ALPK3: variants seen among roughly 807,000 people sequenced by gnomAD.
ALPK3 encodes the protein alpha-protein kinase 3.
In ALPK3, 102 loss-of-function variants were observed where a neutral mutation model predicts 140.0. The ratio of observed to expected loss-of-function variants is 0.73; its 90% CI spans 0.62 to 0.86. ALPK3 has a LOEUF of 0.86. ALPK3 is among the 40% of genes least tolerant of loss of function. The pLI is 0.00. For synonymous variants in ALPK3, 938 were observed against 898.5 expected, an observed-to-expected ratio of 1.04 and a Z score of -0.79; for missense variants, 2,254 against 2,208.2, an observed-to-expected ratio of 1.02 and a Z score of -0.42.
chr15:84,844,820 G>A (rs947623086), intron 5 of ALPK3, among the ~76,000 whole-genome samples: 5 of 151,944 alleles, frequency 3.3e-5, no homozygotes, highest in African/African-American at 1.2e-4. Flanking sequence ...TCACGCCACC[G>A]CGCTCCAGCC....
rs1964056234 is a variant in ALPK3 at position 84,870,442 on chromosome 15, A to T, written c.*1986A>T. 6.6e-6 allele frequency: 1 copy of T among 152,202 alleles called. No individual in the cohort carries two copies. Among genetic ancestry groups the T allele is most frequent in the South Asian group, 2.1e-4 (1 of 4,830 alleles). The allele number at this position is 152,202 out of a possible 1,614,324, so 9.4% of individuals were successfully genotyped here. A position where few individuals can be genotyped will look rare whatever the true frequency, so the allele number is the denominator to read the frequency against. ...GGCTGGCAGCTGTTTGGAGGCAAAG[A>T]TGTATGAGGCCATCTCAGGAGAGAC... is the stretch of plus-strand genomic sequence containing the variant. On this transcript the variant is annotated 3_prime_UTR_variant, in exon 14 of 14. Coordinates refer to ENST00000258888, the MANE Select transcript of ALPK3 (RefSeq NM_020778.5).
rs893162 is a variant in ALPK3, at chr15:84,870,988, A to G, written c.*2532A>G. On this transcript the variant is annotated 3_prime_UTR_variant, in exon 14 of 14. Coordinates refer to ENST00000258888, the MANE Select transcript of ALPK3 (RefSeq NM_020778.5). The stretch of plus-strand genomic sequence containing the variant: ...AACTTCGAATTCCAGGGGTAATGAC[A>G]CGGCTTCTATTCTCCAAAGTCCAGT... The G allele has an allele frequency of 0.29, 44,020 of 152,390 alleles. 7,210 individuals are homozygous for G. Among genetic ancestry groups the G allele is most frequent in the East Asian group, 0.54 (2,780 of 5,178 alleles). 9.4% of individuals were successfully genotyped at this position (152,390 alleles called of 1,614,324 possible). A position where few individuals can be genotyped will look rare whatever the true frequency, so the allele number is the denominator to read the frequency against.
rs770482384 is a variant in ALPK3 at position 84,859,399 on chromosome 15, A to G, written c.3965+9A>G. On this transcript the variant is annotated intron_variant, in intron 7 of 13. Coordinates refer to ENST00000258888, the MANE Select transcript of ALPK3 (RefSeq NM_020778.5). ...GGCGAGGTGGGCAGGAGGTAAGCCA[A>G]CGACACCACTGCCACCTGACCTGGC... The G allele has an allele frequency of 6.2e-7, 1 of 1,613,898 alleles. No homozygotes were observed. The highest frequency in any genetic ancestry group is 1.1e-5 in the South Asian group (1 of 91,026).
Position 84,868,607 on chromosome 15 carries a change from C to T in ALPK3, c.*151C>T. The T allele has an allele frequency of 1.3e-6, 1 of 762,278 alleles. No individual in the cohort carries two copies. The highest frequency in any genetic ancestry group is 1.9e-5 in the South Asian group (1 of 52,740). 47.2% of individuals were successfully genotyped at this position (762,278 alleles called of 1,614,324 possible). A position where few individuals can be genotyped will look rare whatever the true frequency, so the allele number is the denominator to read the frequency against. Reference sequence around the variant, plus strand: ...CCTCTCTGAGCAGGCTCTCGTGAATCAGCTCGTCATCAGATGGCTTTGGTG... The same window carrying T: ...CCTCTCTGAGCAGGCTCTCGTGAATTAGCTCGTCATCAGATGGCTTTGGTG... On this transcript the variant is annotated 3_prime_UTR_variant, in exon 14 of 14. Transcript: ENST00000258888.
intron 5 of ALPK3, among the ~76,000 whole-genome samples, chr15:84,853,096 T>C (rs771781403): frequency 8.5e-5 from 13 of 152,228 alleles, no homozygotes; most frequent in Admixed American, 2.6e-4. Flanking sequence ...CAAGAAGTTC[T>C]AGTTCCGTGA....
intron 5 of ALPK3, among the ~76,000 whole-genome samples, chr15:84,853,636 C>G (rs141749601): frequency 2.0e-5 from 3 of 152,146 alleles, no homozygotes; most frequent in Non-Finnish European, 4.4e-5. Flanking sequence ...AAAGATTCTT[C>G]AGTCAGCCTG....
chr15:84,838,917 C>T (rs764200369), intron 3 of ALPK3, 63 bp from the exon 4 acceptor site: 54 of 1,458,948 alleles, frequency 3.7e-5, no homozygotes, highest in South Asian at 1.1e-4. Flanking sequence ...CCACCGTGCC[C>T]GGCCTCTTCC....
At chr15:84,867,738 G>A (rs1432184609) in intron 13 of ALPK3, among the ~76,000 whole-genome samples, 1 of 152,112 alleles carries the variant, frequency 6.6e-6, no homozygotes, top group Non-Finnish European at 1.5e-5. Flanking sequence ...TTAAAGTCCT[G>A]CGTGATGGAT....
chr15:84,864,973 C>A (rs1174982963), intron 12 of ALPK3, among the ~76,000 whole-genome samples: 1 of 152,104 alleles, frequency 6.6e-6, no homozygotes, highest in Non-Finnish European at 1.5e-5. Flanking sequence ...AACCCACAAC[C>A]ACCCTTTTCA....
intron 11 of ALPK3, among the ~76,000 whole-genome samples, chr15:84,863,934 C>T (rs183862976): frequency 6.6e-6 from 1 of 152,176 alleles, no homozygotes; most frequent in African/African-American, 2.4e-5. Flanking sequence ...TCTGGGACTC[C>T]ATGAAGGTGA....
chr15:84,842,465 GGA>G (rs1963678100), intron 5 of ALPK3, among the ~76,000 whole-genome samples: 1 of 152,054 alleles, frequency 6.6e-6, no homozygotes, highest in African/African-American at 2.4e-5. Context: ...TGGGGGAACA[GGA>G]GGAAAGCAGT....
rs746945173 is a variant in ALPK3, at chr15:84,856,594, A to T, written c.1856A>T (p.Asp619Val). 4 of 1,614,154 alleles carry T rather than the reference A, an allele frequency of 2.5e-6. No homozygotes were observed. In the Admixed American group the frequency reaches 6.7e-5, roughly 27 times the overall value. Residue 619 changes from aspartate (D) to valine (V), a missense_variant, in exon 6 of 14, where the codon GAT becomes GTT. Asp to Val is a radical substitution (Grantham distance 152, BLOSUM62 -3). Coordinates refer to ENST00000258888, the MANE Select transcript of ALPK3 (RefSeq NM_020778.5). ...CAGGCAGATGGGAAGATACAAGTGGATGGAAGGACCAGGGGAGATGGAACA... is the reference window on the plus strand; with the variant it reads ...CAGGCAGATGGGAAGATACAAGTGGTTGGAAGGACCAGGGGAGATGGAACA... ...NVQADGKIQV[D>V]GRTRGDGTQT...
chr15:84,838,622 ATTATTATTATTATTAT>A (rs1156514236), intron 3 of ALPK3, among the ~76,000 whole-genome samples: 1 of 70,414 alleles, frequency 1.4e-5, no homozygotes, highest in Non-Finnish European at 2.7e-5. Flanking sequence ...TATTATTATT[ATTATTATTATTATTAT>A]TGAGATGGAG....
chr15:84,860,285 G>T (rs1963928339), intron 9 of ALPK3, among the ~76,000 whole-genome samples: 1 of 152,176 alleles, frequency 6.6e-6, no homozygotes, highest in Non-Finnish European at 1.5e-5. Flanking sequence ...ACAGGAGTTA[G>T]TTCACCCTTG....
At chr15:84,826,378 G>A (rs1047416775) in intron 2 of ALPK3, among the ~76,000 whole-genome samples, 2 of 152,164 alleles carry the variant, frequency 1.3e-5, no homozygotes, top group African/African-American at 4.8e-5. Context: ...TGAATGATGT[G>A]TCTTTCTCAC....
chr15:84,872,180 T>C lies in ALPK3; in HGVS notation c.*3724T>C, dbSNP rs1200596606. On this transcript the variant is annotated 3_prime_UTR_variant, in exon 14 of 14. Coordinates refer to ENST00000258888, the MANE Select transcript of ALPK3 (RefSeq NM_020778.5). ...TACGAGGGGCAGCATGGCCACCAAG[T>C]GTGCCAGGGCCAAGTGTTCAGGCTC... 1 of 152,294 alleles carries C rather than the reference T, an allele frequency of 6.6e-6. No homozygotes were observed. 9.4% of individuals were successfully genotyped at this position (152,294 alleles called of 1,614,324 possible). A position where few individuals can be genotyped will look rare whatever the true frequency, so the allele number is the denominator to read the frequency against.
At position 84,840,713 on chromosome 15, in the gene ALPK3, C is replaced by T; in HGVS notation, c.1434C>T (p.Phe478=). ...TGACCCCCCAGCCGACTAGGCCTTT[C>T]AACAGAAAGAGATTTGCCCCTCCAA... ...HSLTPQPTRP[F]NRKRFAPPKP... Residue 478 remains phenylalanine (F), a synonymous_variant, in exon 5 of 14, where the codon TTC becomes TTT. Transcript: ENST00000258888. 1.2e-6 allele frequency: 2 copies of T among 1,613,146 alleles called. No homozygotes were observed. Among genetic ancestry groups the T allele is most frequent in the Non-Finnish European group, 8.5e-7 (1 of 1,179,556 alleles).
intron 2 of ALPK3, among the ~76,000 whole-genome samples, chr15:84,824,687 A>G (rs1470833249): frequency 6.6e-6 from 1 of 152,170 alleles, no homozygotes; most frequent in African/African-American, 2.4e-5. Flanking sequence ...AACCTTACCT[A>G]AGGGCGAGGT....
rs769796609 is a variant in ALPK3, at chr15:84,868,154, C to T, written c.4816C>T (p.Arg1606Trp). The change falls in exon 14 of 14, where the codon CGG (arginine) becomes TGG (tryptophan). Residue 1606 changes from arginine to tryptophan, a missense_variant. Around this residue, in one of 3 missense-constraint regions of ALPK3, gnomAD observed 158 missense variants for 159.8 expected, o/e 0.99. Transcript: ENST00000258888. ...KESCFPALLDRFASSHQCNAY... is the reference protein window; with the variant it reads ...KESCFPALLDWFASSHQCNAY... ...AAGCTGCTTCCCTGCCCTGCTGGACCGGTTCGCCTCCTCCCACCAGTGCAA... is the reference window on the plus strand; with the variant it reads ...AAGCTGCTTCCCTGCCCTGCTGGACTGGTTCGCCTCCTCCCACCAGTGCAA... 1.5e-5 allele frequency: 25 copies of T among 1,613,714 alleles called. No individual in the cohort carries two copies. The East Asian group carries it at 2.5e-4, about 16-fold the overall frequency.
Sources: allele counts gnomAD v4.1 joint callset (sites outside exome capture counted in the v4.1 genomes callset), GRCh38; gene constraint gnomAD v4.1.1; regional missense constraint gnomAD v4.1.1; transcripts MANE v1.5; gene names NCBI Gene and HGNC (gene_info 2026-07-23, HGNC 2026-07-21).